ANKRD30A: variants seen among roughly 807,000 people sequenced by gnomAD.
ANKRD30A encodes the protein ankyrin repeat domain 30A, also known as ankyrin repeat domain-containing protein 30A.
A neutral mutation model predicts 166.3 loss-of-function variants in ANKRD30A; 170 were observed. That is an observed-to-expected ratio of 1.02 (90% CI 0.90 to 1.16). ANKRD30A has a LOEUF of 1.16. ANKRD30A is among the 50% of genes most tolerant of loss of function. The probability of loss-of-function intolerance (pLI) is 0.00; values close to 1 mark genes in which losing one functional copy is unlikely to be tolerated. For synonymous variants in ANKRD30A, 564 were observed against 508.9 expected (o/e 1.11, Z -1.46); for missense variants, 1,630 against 1,518.0 (o/e 1.07, Z -1.23).
At chr10:37,141,365 A>G (rs939749107) in intron 6 of ANKRD30A, among the ~76,000 whole-genome samples, 2 of 152,056 alleles carry the variant, frequency 1.3e-5, no homozygotes, top group Non-Finnish European at 1.5e-5. Flanking sequence ...TGAGCTCAGG[A>G]GTTTGAGACC....
At chr10:37,153,788 G>A in intron 13 of ANKRD30A, 126 bp downstream of exon 13, 1 of 1,324,320 alleles carries the variant, frequency 7.6e-7, no homozygotes, top group Non-Finnish European at 1.0e-6. Context: ...AAAGAGAAGT[G>A]CAATGGTCGT....
At chr10:37,220,725 C>G (rs1842862104) in intron 34 of ANKRD30A, among the ~76,000 whole-genome samples, 1 of 151,044 alleles carries the variant, frequency 6.6e-6, no homozygotes, top group South Asian at 2.1e-4. Flanking sequence ...CATTGTAGCT[C>G]TCTGTGATTT....
At chr10:37,198,207 C>T (rs1841314440) in intron 29 of ANKRD30A, among the ~76,000 whole-genome samples, 1 of 152,024 alleles carries the variant, frequency 6.6e-6, no homozygotes, top group African/African-American at 2.4e-5. Flanking sequence ...CATTTTACAA[C>T]ATGTGTGCGT....
rs1486230089 is a variant in ANKRD30A, at chr10:37,230,156, A to T, written c.4186-1305A>T. On this transcript the variant is annotated intron_variant, in intron 34 of 35. Transcript: ENST00000361713. The stretch of plus-strand genomic sequence containing the variant: ...TGAAAACTGTAGAAGACTTTAATAA[A>T]ACAGAATCAGAAAAATATAAACACC... Among the ~76,000 whole-genome samples the T allele has an allele frequency of 3.3e-5, 5 of 152,132 alleles. No homozygotes were observed. In the South Asian group the frequency reaches 1.0e-3, roughly 32 times the overall value.
chr10:37,238,540 C>T, the ANKRD30A span, among the ~76,000 whole-genome samples: 13 of 152,126 alleles, frequency 8.5e-5, no homozygotes, highest in African/African-American at 3.1e-4. Context: ...AAAGTATTCT[C>T]TACAGAGTTC....
the ANKRD30A span, chr10:37,248,294 GT>G: frequency 1.2e-5 from 6 of 492,456 alleles, no homozygotes; most frequent in Non-Finnish European, 2.4e-5. Context: ...GCCTTCCACT[GT>G]TCAGTTCTGG....
At chr10:37,217,910 T>C in intron 33 of ANKRD30A, 32 bp downstream of exon 33, 1 of 1,425,702 alleles carries the variant, frequency 7.0e-7, no homozygotes, top group Non-Finnish European at 9.4e-7. Flanking sequence ...ATTTTATATT[T>C]CTAACTTTAT....
chr10:37,147,852 G>A (rs1459526926), intron 9 of ANKRD30A, among the ~76,000 whole-genome samples: 2 of 152,050 alleles, frequency 1.3e-5, no homozygotes, highest in Non-Finnish European at 2.9e-5. Flanking sequence ...TGCTTAGAAA[G>A]ATGGCAAGAA....
chr10:37,218,519 G>T (rs1588947694), intron 33 of ANKRD30A, among the ~76,000 whole-genome samples: 1 of 150,830 alleles, frequency 6.6e-6, no homozygotes, highest in African/African-American at 2.4e-5. Flanking sequence ...TTTTTAAAAA[G>T]ATAGAATATC....
Position 37,219,438 on chromosome 10 carries a change from G to A in ANKRD30A, c.3726G>A (p.Thr1242=), listed in dbSNP as rs566578534. 6 of 1,610,280 alleles carry A rather than the reference G, an allele frequency of 3.7e-6. No homozygotes were observed. In the African/African-American group the frequency reaches 4.0e-5, roughly 11 times the overall value. ...AAATGAATGTTGATGTGAGTAGTACGATATATAACAATGAGGTGCTCCATC... is the reference window on the plus strand; with the variant it reads ...AAATGAATGTTGATGTGAGTAGTACAATATATAACAATGAGGTGCTCCATC... ...QRKMNVDVSS[T]IYNNEVLHQP... The change falls in exon 34 of 36, where the codon ACG becomes ACA. Residue 1242 remains threonine, a synonymous_variant. Coordinates refer to ENST00000361713, the MANE Select transcript of ANKRD30A (RefSeq NM_052997.3).
At chr10:37,252,175 G>GGGA in the ANKRD30A span, among the ~76,000 whole-genome samples, 1 of 152,090 alleles carries the variant, frequency 6.6e-6, no homozygotes, top group South Asian at 2.1e-4. Context: ...AAATTTTAGA[G>GGGA]GGAGGTGATG....
At chr10:37,250,934 C>G in the ANKRD30A span, among the ~76,000 whole-genome samples, 1 of 152,188 alleles carries the variant, frequency 6.6e-6, no homozygotes, top group Non-Finnish European at 1.5e-5. Flanking sequence ...CAAAACACAC[C>G]TCTACACATT....
chr10:37,158,363 A>T, intron 13 of ANKRD30A, 29 bp from the exon 14 acceptor site: 1 of 1,600,738 alleles, frequency 6.2e-7, no homozygotes, highest in Non-Finnish European at 8.5e-7. Flanking sequence ...CTTGCATATA[A>T]TCAATTATGT....
At chr10:37,171,570 G>C (rs1303602234) in intron 21 of ANKRD30A, among the ~76,000 whole-genome samples, 6 of 151,706 alleles carry the variant, frequency 4.0e-5, no homozygotes, top group African/African-American at 7.3e-5. Context: ...TTGAACTTCA[G>C]AGATGCTCAG....
chr10:37,162,653 TC>T lies in ANKRD30A; in HGVS notation c.1907del (p.Pro636ArgfsTer24), dbSNP rs774347904. ...TAAATCTCTTTTGCTTTTTAGAGCCTCCGGGGAAGCCATCTGCCTTCGAGGT... is the reference window on the plus strand; with the variant it reads ...TAAATCTCTTTTGCTTTTTAGAGCCTCGGGGAAGCCATCTGCCTTCGAGGT... ...KDMQTFKAEP[P>X]GKPSAFEPAT... On this transcript the variant is annotated frameshift_variant, in exon 16 of 36. Coordinates refer to ENST00000361713, the MANE Select transcript of ANKRD30A (RefSeq NM_052997.3). LOFTEE classifies it high-confidence loss of function. The T allele has an allele frequency of 6.2e-7, 1 of 1,612,134 alleles. No homozygotes were observed. The highest frequency in any genetic ancestry group is 1.3e-5 in the African/African-American group (1 of 74,844).
chr10:37,158,282 G>T (rs372895547), intron 13 of ANKRD30A, 110 bp from the exon 14 acceptor site: 2 of 1,458,960 alleles, frequency 1.4e-6, no homozygotes, highest in East Asian at 4.5e-5. Context: ...AGTGTAATCC[G>T]TTTTGCAATC....
At chr10:37,193,339 T>C (rs1234605760) in intron 27 of ANKRD30A, 81 bp downstream of exon 27, 1 of 1,443,232 alleles carries the variant, frequency 6.9e-7, no homozygotes. Context: ...TCATTCCCAA[T>C]GTTGTTTTCT....
Position 37,182,872 on chromosome 10 carries a change from A to G in ANKRD30A, c.2422-6595A>G, listed in dbSNP as rs538762015. Among the ~76,000 whole-genome samples, 4 of 150,846 alleles carry G rather than the reference A, an allele frequency of 2.7e-5. No individual in the cohort carries two copies. The South Asian group carries it at 8.6e-4, about 33-fold the overall frequency. On this transcript the variant is annotated intron_variant, in intron 24 of 35. Coordinates refer to ENST00000361713, the MANE Select transcript of ANKRD30A (RefSeq NM_052997.3). ...CGGCCTCCCAAAGTACTGGAATTAC[A>G]GGCATGAGGCACCGTGCCCGGCCGA...
chr10:37,150,735 G>A (rs1837869644), intron 11 of ANKRD30A, among the ~76,000 whole-genome samples: 1 of 152,040 alleles, frequency 6.6e-6, no homozygotes, highest in African/African-American at 2.4e-5. Context: ...CAGTACCATA[G>A]TTAATTGCAC....
Sources: allele counts gnomAD v4.1 joint callset (sites outside exome capture counted in the v4.1 genomes callset), GRCh38; gene constraint gnomAD v4.1.1; transcripts MANE v1.5; gene names NCBI Gene and HGNC (gene_info 2026-07-23, HGNC 2026-07-21).